The following ERBB4 variants were observed in gnomAD, a reference collection of about 807,000 sequenced individuals.
ERBB4 encodes the protein erb-b2 receptor tyrosine kinase 4.
In ERBB4, 42 loss-of-function variants were observed where a neutral mutation model predicts 158.0. That is an observed-to-expected ratio of 0.27 (90% CI 0.21 to 0.34). The LOEUF (loss-of-function observed/expected upper bound fraction) is 0.34. Among genes scored for constraint, ERBB4 ranks in the 10% least tolerant of loss-of-function variants. The pLI is 1.00. For synonymous variants in ERBB4, 583 were observed against 558.7 expected (o/e 1.04, Z -0.61); for missense variants, 1,333 against 1,624.1 (o/e 0.82, Z 3.08).
intron 3 of ERBB4, among the ~76,000 whole-genome samples, chr2:211,830,389 C>T (rs543011120): frequency 6.6e-6 from 1 of 152,268 alleles, no homozygotes; most frequent in Non-Finnish European, 1.5e-5. Context: ...GGCCAAATAA[C>T]TAATGGGCTC....
At chr2:211,710,909 G>A (rs976772659) in intron 9 of ERBB4, among the ~76,000 whole-genome samples, 9 of 151,808 alleles carry the variant, frequency 5.9e-5, no homozygotes, top group African/African-American at 2.2e-4. Context: ...CCCAGTCTCG[G>A]GTGTGTCTTT....
chr2:212,190,550 A>AAAGAAG (rs1553587259), intron 1 of ERBB4, among the ~76,000 whole-genome samples: 6 of 147,020 alleles, frequency 4.1e-5, no homozygotes, highest in Middle Eastern at 3.4e-3. Context: ...AAAAAAAAAA[A>AAAGAAG]AAGAAGAAGA....
At chr2:211,515,912 ATTTT>A (rs1553555083) in intron 20 of ERBB4, among the ~76,000 whole-genome samples, 39 of 78,982 alleles carry the variant, frequency 4.9e-4, no homozygotes, top group African/African-American at 1.6e-3. Context: ...ATATATATAT[ATTTT>A]TTTTTTTTTT....
intron 1 of ERBB4, among the ~76,000 whole-genome samples, chr2:212,204,967 C>A (rs539183730): frequency 6.6e-6 from 1 of 151,066 alleles, no homozygotes; most frequent in Admixed American, 6.6e-5. Context: ...TACAGGTATG[C>A]ACCACCACGC....
At chr2:211,723,034 A>G (rs982695431) in intron 6 of ERBB4, among the ~76,000 whole-genome samples, 1 of 152,230 alleles carries the variant, frequency 6.6e-6, no homozygotes, top group Non-Finnish European at 1.5e-5. Flanking sequence ...CTGGCTGGTG[A>G]CTAGCCAAAT....
intron 1 of ERBB4, among the ~76,000 whole-genome samples, chr2:212,299,639 T>C (rs1202438343): frequency 6.6e-6 from 1 of 151,558 alleles, no homozygotes; most frequent in Non-Finnish European, 1.5e-5. Flanking sequence ...TATAGCATTA[T>C]TTAGAAATAA....
At chr2:212,415,395 C>A (rs1029480136) in intron 1 of ERBB4, among the ~76,000 whole-genome samples, 2 of 152,002 alleles carry the variant, frequency 1.3e-5, no homozygotes, top group African/African-American at 2.4e-5. Flanking sequence ...AGTAGTGTAA[C>A]TAAAAATAAT....
Position 211,749,178 on chromosome 2 carries a change from T to C in ERBB4, c.622+1461A>G, listed in dbSNP as rs1031253717. Among the ~76,000 whole-genome samples the C allele has an allele frequency of 9.2e-5, 14 of 152,346 alleles. No homozygotes were observed. In the East Asian group the frequency reaches 2.7e-3, roughly 29 times the overall value. Reference sequence around the variant, plus strand: ...GAATAGGGAGGGAAATAGGCATTTATGTACATTGCTCTCGGTAGAACTAAT... The same window carrying C: ...GAATAGGGAGGGAAATAGGCATTTACGTACATTGCTCTCGGTAGAACTAAT... On this transcript the variant is annotated intron_variant, in intron 5 of 27. Transcript: ENST00000342788.
chr2:212,227,641 C>T (rs916665308), intron 1 of ERBB4, among the ~76,000 whole-genome samples: 4 of 152,072 alleles, frequency 2.6e-5, no homozygotes, highest in African/African-American at 9.7e-5. Flanking sequence ...TGCAGAGCAC[C>T]ATAAAAATAG....
rs537090080 is a variant in ERBB4, at chr2:211,789,587, C to T, written c.422-1428G>A. On this transcript the variant is annotated intron_variant, in intron 3 of 27. Coordinates refer to ENST00000342788, the MANE Select transcript of ERBB4 (RefSeq NM_005235.3). ...AACAATATCCCATGGTTATCTCTAC[C>T]GCAAGAGAGATTGAATAAGTAACTA... Among the ~76,000 whole-genome samples, 24 of 152,168 alleles carry T rather than the reference C, an allele frequency of 1.6e-4. No individual in the cohort carries two copies. In the South Asian group the frequency reaches 4.4e-3, roughly 28 times the overall value.
chr2:211,992,567 G>GAAAA (rs780595071), intron 2 of ERBB4, among the ~76,000 whole-genome samples: 18 of 125,188 alleles, frequency 1.4e-4, no homozygotes, highest in Non-Finnish European at 2.1e-4. Context: ...GAGAGAGAGA[G>GAAAA]AAAAAAAAAA....
rs542919716 is a variant in ERBB4 at position 211,389,967 on chromosome 2, G to C, written c.3136-1975C>G. ...CAGAGGCATTTTAAAATGCTCACCTGTTCTCTAATCACCTTAAATATAGGC... is the reference window on the plus strand; with the variant it reads ...CAGAGGCATTTTAAAATGCTCACCTCTTCTCTAATCACCTTAAATATAGGC... On this transcript the variant is annotated intron_variant, in intron 25 of 27. Transcript: ENST00000342788. 2.1e-4 allele frequency among the ~76,000 whole-genome samples: 32 copies of C among 152,280 alleles called. 1 individual carries two copies. The highest frequency in any genetic ancestry group is 1.0e-3 in the South Asian group (5 of 4,828).
At chr2:211,957,980 C>A (rs1252869323) in intron 2 of ERBB4, among the ~76,000 whole-genome samples, 1 of 151,934 alleles carries the variant, frequency 6.6e-6, no homozygotes, top group Non-Finnish European at 1.5e-5. Flanking sequence ...TGGGAAATAC[C>A]CTTTGAGGAT....
At chr2:211,393,552 TAC>T (rs1198336614) in intron 25 of ERBB4, among the ~76,000 whole-genome samples, 2 of 152,224 alleles carry the variant, frequency 1.3e-5, no homozygotes, top group East Asian at 1.9e-4. Flanking sequence ...AACAAATTCT[TAC>T]AGTTTCTTTC....
intron 19 of ERBB4, among the ~76,000 whole-genome samples, chr2:211,611,722 G>A (rs556708167): frequency 6.6e-6 from 1 of 152,222 alleles, no homozygotes; most frequent in Non-Finnish European, 1.5e-5. Context: ...GAGGTCAAAA[G>A]GAGAAGAGAT....
At chr2:211,912,095 G>A (rs1013846009) in intron 3 of ERBB4, among the ~76,000 whole-genome samples, 2 of 152,128 alleles carry the variant, frequency 1.3e-5, no homozygotes, top group African/African-American at 4.8e-5. Context: ...AAGACAGGTA[G>A]GTAGGCAGTA....
At chr2:211,453,097 T>G (rs2125482737) in intron 20 of ERBB4, among the ~76,000 whole-genome samples, 1 of 152,314 alleles carries the variant, frequency 6.6e-6, no homozygotes, top group East Asian at 1.9e-4. Context: ...TTCTCAAGGA[T>G]TTGCTGTTTC....
chr2:212,277,595 C>T (rs1402545023), intron 1 of ERBB4, among the ~76,000 whole-genome samples: 1 of 151,712 alleles, frequency 6.6e-6, no homozygotes, highest in East Asian at 1.9e-4. Flanking sequence ...GCTCATACTA[C>T]AGAGAGTCTC....
chr2:211,583,383 T>TAAATTTTAATTA (rs1466134230), intron 19 of ERBB4, among the ~76,000 whole-genome samples: 1 of 151,946 alleles, frequency 6.6e-6, no homozygotes, highest in Non-Finnish European at 1.5e-5. Context: ...TTGAGAGGAA[T>TAAATTTTAATTA]AAATTTTAAT....
Sources: gnomAD v4.1 joint callset for allele counts (sites outside exome capture counted in the v4.1 genomes callset) on GRCh38, gnomAD v4.1.1 for gene constraint, MANE v1.5 for transcripts, NCBI Gene and HGNC (gene_info 2026-07-23, HGNC 2026-07-21) for gene names.